Variants in TAS1R3 observed in about 807,000 individuals in gnomAD.
The protein encoded by TAS1R3 is taste 1 receptor member 3.
Under a neutral mutation model 46.1 loss-of-function variants are expected in TAS1R3, and 58 were observed. The observed-to-expected ratio is 1.26, with a 90% CI of 1.02 to 1.57. The LOEUF (loss-of-function observed/expected upper bound fraction) is 1.57, where lower values mean the gene tolerates loss of function less well. Among genes scored for constraint, TAS1R3 ranks in the 40% most tolerant of loss-of-function variants. The pLI is 0.00. For missense variants in TAS1R3, 1,422 were observed against 1,185.8 expected (o/e 1.20, Z -2.93); for synonymous variants, 724 against 544.7 (o/e 1.33, Z -4.58).
chr1:1,333,060 G>T lies in TAS1R3; in HGVS notation c.1415G>T (p.Gly472Val). The part of the protein sequence containing the change: ...QGSVPRLHDV[G>V]RFNGSLRTER... ...TCAGTGCCCAGGCTCCACGACGTGGGCAGGTTCAACGGCAGCCTCAGGACA... is the reference window on the plus strand; with the variant it reads ...TCAGTGCCCAGGCTCCACGACGTGGTCAGGTTCAACGGCAGCCTCAGGACA... Residue 472 changes from glycine to valine, a missense_variant, in exon 4 of 6, where the codon GGC becomes GTC. Physicochemically the swap from Gly to Val is moderately radical, Grantham distance 109. Transcript: ENST00000339381. 6.2e-7 allele frequency: 1 copy of T among 1,612,730 alleles called. No individual in the cohort carries two copies. The highest frequency in any genetic ancestry group is 1.7e-5 in the Admixed American group (1 of 60,024).
Position 1,333,005 on chromosome 1 carries a change from T to C in TAS1R3, c.1360T>C (p.Tyr454His), listed in dbSNP as rs761260979. 2 of 1,612,700 alleles carry C rather than the reference T, an allele frequency of 1.2e-6. No individual in the cohort carries two copies. Among genetic ancestry groups the C allele is most frequent in the Non-Finnish European group, 8.5e-7 (1 of 1,179,904 alleles). Residue 454 changes from tyrosine (Y) to histidine (H), a missense_variant, in exon 4 of 6, where the codon TAC becomes CAC. By Grantham distance (83) the Tyr-to-His change is moderately conservative (BLOSUM62 2). Transcript: ENST00000339381. ...CAGCAGCGGAAACGTGGACATGGAG[T>C]ACGACCTGAAGCTGTGGGTGTGGCA... The part of the protein sequence containing the change: ...FDSSGNVDME[Y>H]DLKLWVWQGS...
Position 1,333,700 on chromosome 1 carries a change from G to C in TAS1R3, c.1795G>C (p.Val599Leu). 6.2e-7 allele frequency: 1 copy of C among 1,611,158 alleles called. No individual in the cohort carries two copies. The highest frequency in any genetic ancestry group is 8.5e-7 in the Non-Finnish European group (1 of 1,179,594). ...LFVHHRDSPL[V>L]QASGGPLACF... is the part of the protein sequence containing the mutation. ...CGTTCACCATCGGGACAGCCCACTG[G>C]TTCAGGCCTCGGGGGGGCCCCTGGC... The change falls in exon 6 of 6, where the codon GTT (valine) becomes CTT (leucine). Residue 599 changes from valine to leucine, a missense_variant. By Grantham distance (32) the Val-to-Leu change is conservative. Transcript: ENST00000339381.
rs977033964 is a variant in TAS1R3 at position 1,332,507 on chromosome 1, C to T, written c.976C>T (p.Gln326Ter). Reference sequence around the variant, plus strand: ...GATGGGCACGGTGCTTGGCTTCCTCCAGAGGGGTGCCCAGCTGCACGAGTT... The same window carrying T: ...GATGGGCACGGTGCTTGGCTTCCTCTAGAGGGGTGCCCAGCTGCACGAGTT... The part of the protein sequence containing the change: ...AQMGTVLGFL[Q>*]RGAQLHEFPQ... The change falls in exon 3 of 6, where the codon CAG becomes TAG. Residue 326 changes from glutamine (Q) to a stop codon, truncating the protein, a stop_gained. Transcript: ENST00000339381. LOFTEE classifies it high-confidence loss of function. 4 of 1,611,116 alleles carry T rather than the reference C, an allele frequency of 2.5e-6. No homozygotes were observed. The highest frequency in any genetic ancestry group is 2.2e-5 in the East Asian group (1 of 44,890).
chr1:1,333,452 C>A, intron 5 of TAS1R3, 54 bp from the exon 6 acceptor site: 2 of 1,604,860 alleles, frequency 1.2e-6, no homozygotes, highest in Non-Finnish European at 1.7e-6. Context: ...GACTCTGAGA[C>A]CAGAGCCCAC....
rs1213673204 is a variant in TAS1R3, at chr1:1,335,023, G to C, written c.*559G>C. On this transcript the variant is annotated 3_prime_UTR_variant, in exon 6 of 6. Transcript: ENST00000339381. ...GCATCATGACTGTCACCAGTACCAG[G>C]GACAGAGCCCAGGTGGGGTGGGGGC... The C allele has an allele frequency of 6.5e-6, 1 of 153,248 alleles. No individual in the cohort carries two copies. The highest frequency in any genetic ancestry group is 2.4e-5 in the African/African-American group (1 of 41,462). The allele number at this position is 153,248 out of a possible 1,614,324, so 9.5% of individuals were successfully genotyped here.
At position 1,334,398 on chromosome 1, in the gene TAS1R3, AG is replaced by A. The variant is rs1204598161; in HGVS notation, c.2498del (p.Gly833AlafsTer25). On this transcript the variant is annotated frameshift_variant, in exon 6 of 6. Coordinates refer to ENST00000339381, the MANE Select transcript of TAS1R3 (RefSeq NM_152228.3). LOFTEE classifies it low-confidence loss of function (END_TRUNC). ...GLNTPEFFLG[G>X]GPGDAQGQND... ...TCAACACCCCCGAGTTCTTCCTGGG[AG>A]GGGGCCCTGGGGATGCCCAAGGCCA... 6.2e-7 allele frequency: 1 copy of A among 1,605,942 alleles called. No homozygotes were observed. The highest frequency in any genetic ancestry group is 1.3e-5 in the African/African-American group (1 of 74,580).
Position 1,333,047 on chromosome 1 carries a change from C to T in TAS1R3, c.1402C>T (p.Leu468Phe). The T allele has an allele frequency of 2.5e-6, 4 of 1,612,754 alleles. No homozygotes were observed. In the South Asian group the frequency reaches 3.3e-5, roughly 13 times the overall value. Reference sequence around the variant, plus strand: ...GGTGTGGCAGGGCTCAGTGCCCAGGCTCCACGACGTGGGCAGGTTCAACGG... The same window carrying T: ...GGTGTGGCAGGGCTCAGTGCCCAGGTTCCACGACGTGGGCAGGTTCAACGG... Reference protein sequence around the residue: ...LWVWQGSVPRLHDVGRFNGSL... With the variant: ...LWVWQGSVPRFHDVGRFNGSL... The change falls in exon 4 of 6, where the codon CTC becomes TTC. Residue 468 changes from leucine (L) to phenylalanine (F), a missense_variant. Coordinates refer to ENST00000339381, the MANE Select transcript of TAS1R3 (RefSeq NM_152228.3).
At position 1,331,509 on chromosome 1, in the gene TAS1R3, C is replaced by A. The variant is rs372183680; in HGVS notation, c.164C>A (p.Thr55Lys). 2.4e-5 allele frequency: 38 copies of A among 1,600,930 alleles called. No homozygotes were observed. The African/African-American group carries it at 5.0e-4, about 21-fold the overall frequency. ...GAGGAGGCTGGCCTCCGCAGCCGGA[C>A]ACGGCCCAGCAGCCCTGTGTGCACC... is the stretch of plus-strand genomic sequence containing the variant. ...EAEEAGLRSR[T>K]RPSSPVCTRF... is the part of the protein sequence containing the mutation. The change falls in exon 1 of 6, where the codon ACA (threonine) becomes AAA (lysine). Residue 55 changes from threonine (T) to lysine (K), a missense_variant. Coordinates refer to ENST00000339381, the MANE Select transcript of TAS1R3 (RefSeq NM_152228.3).
rs779611258 is a variant in TAS1R3, at chr1:1,334,191, T to C, written c.2286T>C (p.Arg762=). 4 of 1,602,372 alleles carry C rather than the reference T, an allele frequency of 2.5e-6. No homozygotes were observed. The highest frequency in any genetic ancestry group is 3.4e-6 in the Non-Finnish European group (4 of 1,174,956). The change falls in exon 6 of 6, where the codon CGT becomes CGC. Residue 762 remains arginine, a synonymous_variant. Transcript: ENST00000339381. The part of the protein sequence containing the change: ...RSQPGCYNRA[R]GLTFAMLAYF... ...AGCCGGGCTGCTACAACCGTGCCCG[T>C]GGCCTCACCTTTGCCATGCTGGCCT...
chr1:1,331,455 TG>T lies in TAS1R3; in HGVS notation c.117del (p.Leu40CysfsTer37), dbSNP rs760227174. On this transcript the variant is annotated frameshift_variant, in exon 1 of 6. Coordinates refer to ENST00000339381, the MANE Select transcript of TAS1R3 (RefSeq NM_152228.3). LOFTEE classifies it high-confidence loss of function. ...CTTAGGATGAAGGGGGACTACGTGC[TG>T]GGGGGGCTGTTCCCCCTGGGCGAGG... ...QQLRMKGDYV[L>X]GGLFPLGEAE... 1.3e-5 allele frequency: 21 copies of T among 1,605,072 alleles called. No individual in the cohort carries two copies. Among genetic ancestry groups the T allele is most frequent in the South Asian group, 3.3e-5 (3 of 90,028 alleles).
In TAS1R3 at chr1:1,331,641, C is replaced by G; in HGVS notation, c.195C>G (p.Phe65Leu). The change falls in exon 2 of 6, where the codon TTC becomes TTG. Residue 65 changes from phenylalanine to leucine, a missense_variant. Coordinates refer to ENST00000339381, the MANE Select transcript of TAS1R3 (RefSeq NM_152228.3). ...TRPSSPVCTR[F>L]SSNGLLWALA... is the part of the protein sequence containing the mutation. The stretch of plus-strand genomic sequence containing the variant: ...CTGCGGTTCTGTGTGGCCCCAGGTT[C>G]TCCTCAAACGGCCTGCTCTGGGCAC... The G allele has an allele frequency of 6.2e-7, 1 of 1,609,170 alleles. No individual in the cohort carries two copies. The highest frequency in any genetic ancestry group is 8.5e-7 in the Non-Finnish European group (1 of 1,177,146).
Position 1,334,096 on chromosome 1 carries a change from G to C in TAS1R3, c.2191G>C (p.Gly731Arg). The C allele has an allele frequency of 6.3e-7, 1 of 1,587,514 alleles. No homozygotes were observed. Residue 731 changes from glycine (G) to arginine (R), a missense_variant, in exon 6 of 6, where the codon GGC (glycine) becomes CGC (arginine). Physicochemically the swap from Gly to Arg is moderately radical, Grantham distance 125. Coordinates refer to ENST00000339381, the MANE Select transcript of TAS1R3 (RefSeq NM_152228.3). Reference protein sequence around the residue: ...HCRTRSWVSFGLAHATNATLA... With the variant: ...HCRTRSWVSFRLAHATNATLA... Reference sequence around the variant, plus strand: ...CCGCACACGCTCCTGGGTCAGCTTCGGCCTAGCGCACGCCACCAATGCCAC... The same window carrying C: ...CCGCACACGCTCCTGGGTCAGCTTCCGCCTAGCGCACGCCACCAATGCCAC...
rs974933146 is a variant in TAS1R3 at position 1,332,567 on chromosome 1, A to C, written c.1036A>C (p.Thr346Pro). 5.0e-6 allele frequency: 8 copies of C among 1,611,666 alleles called. No homozygotes were observed. The highest frequency in any genetic ancestry group is 6.8e-6 in the Non-Finnish European group (8 of 1,179,936). The change falls in exon 3 of 6, where the codon ACC becomes CCC. Residue 346 changes from threonine to proline, a missense_variant. Transcript: ENST00000339381. ...QYVKTHLALA[T>P]DPAFCSALGE... ...CGTGAAGACGCACCTGGCCCTGGCC[A>C]CCGACCCGGCCTTCTGCTCTGCCCT...
In TAS1R3 at chr1:1,333,954, G is replaced by A. The variant is rs749146987; in HGVS notation, c.2049G>A (p.Leu683=). The change falls in exon 6 of 6, where the codon CTG becomes CTA. Residue 683 remains leucine, a synonymous_variant. Coordinates refer to ENST00000339381, the MANE Select transcript of TAS1R3 (RefSeq NM_152228.3). The part of the protein sequence containing the change: ...SGCLRGPWAW[L]VVLLAMLVEV... The stretch of plus-strand genomic sequence containing the variant: ...GCCTGCGGGGGCCCTGGGCCTGGCT[G>A]GTGGTGCTGCTGGCCATGCTGGTGG... 9.4e-6 allele frequency: 15 copies of A among 1,600,562 alleles called. No individual in the cohort carries two copies. The highest frequency in any genetic ancestry group is 7.7e-5 in the South Asian group (7 of 91,050).
Position 1,332,989 on chromosome 1 carries a change from A to G in TAS1R3, c.1344A>G (p.Gly448=), listed in dbSNP as rs371516074. Residue 448 remains glycine, a synonymous_variant, in exon 4 of 6, where the codon GGA becomes GGG. Coordinates refer to ENST00000339381, the MANE Select transcript of TAS1R3 (RefSeq NM_152228.3). ...TGCCGCTGCGGTTCGACAGCAGCGGAAACGTGGACATGGAGTACGACCTGA... is the reference window on the plus strand; with the variant it reads ...TGCCGCTGCGGTTCGACAGCAGCGGGAACGTGGACATGGAGTACGACCTGA... ...GGLPLRFDSS[G]NVDMEYDLKL... 3.7e-6 allele frequency: 6 copies of G among 1,612,604 alleles called. No homozygotes were observed. Among genetic ancestry groups the G allele is most frequent in the East Asian group, 4.5e-5 (2 of 44,886 alleles).
chr1:1,331,945 G>GCC lies in TAS1R3; in HGVS notation c.492+12_492+13dup, dbSNP rs200330269. 6 of 1,606,902 alleles carry GCC rather than the reference G, an allele frequency of 3.7e-6. No individual in the cohort carries two copies. In the African/African-American group the frequency reaches 5.4e-5, roughly 15 times the overall value. On this transcript the variant is annotated splice_region_variant and intron_variant, in intron 2 of 5. Transcript: ENST00000339381. ...CTTCTTCCTCATGCCCCAGGTGGGC[G>GCC]CCCCCCACCATCACCCACCCCCACC...
rs200087307 is a variant in TAS1R3 at position 1,332,528 on chromosome 1, G to A, written c.997G>A (p.Glu333Lys). 18 of 1,611,556 alleles carry A rather than the reference G, an allele frequency of 1.1e-5. No homozygotes were observed. Among genetic ancestry groups the A allele is most frequent in the Admixed American group, 6.7e-5 (4 of 60,000 alleles). The change falls in exon 3 of 6, where the codon GAG becomes AAG. Residue 333 changes from glutamate (E) to lysine (K), a missense_variant. Coordinates refer to ENST00000339381, the MANE Select transcript of TAS1R3 (RefSeq NM_152228.3). Reference protein sequence around the residue: ...GFLQRGAQLHEFPQYVKTHLA... With the variant: ...GFLQRGAQLHKFPQYVKTHLA... ...CCTCCAGAGGGGTGCCCAGCTGCACGAGTTCCCCCAGTACGTGAAGACGCA... is the reference window on the plus strand; with the variant it reads ...CCTCCAGAGGGGTGCCCAGCTGCACAAGTTCCCCCAGTACGTGAAGACGCA...
Position 1,333,135 on chromosome 1 carries a change from G to A in TAS1R3, c.1479+11G>A, listed in dbSNP as rs141740728. 32 of 1,608,602 alleles carry A rather than the reference G, an allele frequency of 2.0e-5. No individual in the cohort carries two copies. Among genetic ancestry groups the A allele is most frequent in the Middle Eastern group, 1.6e-4 (1 of 6,074 alleles). ...ACGTCTGACAACCAGGTGAGGTGAG[G>A]GTGGGTGTGCCAGGCGTGCCCGTGG... On this transcript the variant is annotated intron_variant, in intron 4 of 5. Coordinates refer to ENST00000339381, the MANE Select transcript of TAS1R3 (RefSeq NM_152228.3).
Position 1,334,425 on chromosome 1 carries a change from G to T in TAS1R3, c.2520G>T (p.Gln840His). Residue 840 changes from glutamine to histidine, a missense_variant, in exon 6 of 6, where the codon CAG (glutamine) becomes CAT (histidine). Physicochemically the swap from Gln to His is conservative, Grantham distance 24 (BLOSUM62 0). Transcript: ENST00000339381. ...LGGGPGDAQGQNDGNTGNQGK... is the reference protein window; with the variant it reads ...LGGGPGDAQGHNDGNTGNQGK... ...GGGGCCCTGGGGATGCCCAAGGCCA[G>T]AATGACGGGAACACAGGAAATCAGG... 1 of 1,598,342 alleles carries T rather than the reference G, an allele frequency of 6.3e-7. No homozygotes were observed.
Sources: allele counts gnomAD v4.1 joint callset, GRCh38; gene constraint gnomAD v4.1.1; transcripts MANE v1.5; gene names NCBI Gene and HGNC (gene_info 2026-07-23, HGNC 2026-07-21).